EVA1C: variants seen among roughly 807,000 people sequenced by gnomAD.
EVA1C encodes eva-1 homolog C, also known as protein eva-1 homolog C.
A neutral mutation model predicts 45.4 loss-of-function variants in EVA1C; 25 were observed. That is an observed-to-expected ratio of 0.55 (90% CI 0.40 to 0.77). EVA1C has a LOEUF of 0.77. Ranked by LOEUF, EVA1C falls within the 30% of genes least tolerant of loss-of-function variation. The pLI is 0.00. For missense variants in EVA1C, 479 were observed against 554.8 expected, an observed-to-expected ratio of 0.86 and a Z score of 1.37; for synonymous variants, 190 against 221.2, an observed-to-expected ratio of 0.86 and a Z score of 1.25.
Position 32,514,985 on chromosome 21 carries a change from A to G in EVA1C, c.1121A>G (p.Asp374Gly). 6.2e-7 allele frequency: 1 copy of G among 1,614,114 alleles called. No individual in the cohort carries two copies. Among genetic ancestry groups the G allele is most frequent in the Non-Finnish European group, 8.5e-7 (1 of 1,179,992 alleles). Reference sequence around the variant, plus strand: ...GACAAGGTCGAGGAGGACAGCGAGGATGAAGAAGAGGAGGAGGACCCCTCT... The same window carrying G: ...GACAAGGTCGAGGAGGACAGCGAGGGTGAAGAAGAGGAGGAGGACCCCTCT... The part of the protein sequence containing the change: ...GSDKVEEDSE[D>G]EEEEEDPSES... Residue 374 changes from aspartate (D) to glycine (G), a missense_variant, in exon 8 of 8, where the codon GAT becomes GGT. This residue lies in a region of EVA1C where 366 missense variants were observed against 426.1 expected (regional missense o/e 0.86). Transcript: ENST00000300255.
intron 1 of EVA1C, 118 bp from the exon 2 acceptor site, chr21:32,453,194 C>T: frequency 1.5e-6 from 1 of 654,718 alleles, no homozygotes; most frequent in Non-Finnish European, 2.6e-6. Context: ...GAGGCCCCAT[C>T]CCACATGTTG....
intron 1 of EVA1C, among the ~76,000 whole-genome samples, chr21:32,426,382 G>A (rs2034487952): frequency 1.3e-5 from 2 of 151,896 alleles, no homozygotes. Flanking sequence ...AATTTGATTT[G>A]AACATGAAAA....
intron 1 of EVA1C, among the ~76,000 whole-genome samples, chr21:32,444,536 G>A (rs893861957): frequency 6.6e-6 from 1 of 152,174 alleles, no homozygotes; most frequent in African/African-American, 2.4e-5. Context: ...GAGCTTCTGT[G>A]CCCACCGTGG....
intron 1 of EVA1C, among the ~76,000 whole-genome samples, chr21:32,419,111 T>G (rs1163599581): frequency 6.6e-6 from 1 of 152,258 alleles, no homozygotes; most frequent in Non-Finnish European, 1.5e-5. Context: ...TAATTGTTTC[T>G]GCCAGTAATA....
At chr21:32,464,718 A>T (rs903077635) in intron 3 of EVA1C, among the ~76,000 whole-genome samples, 2 of 152,122 alleles carry the variant, frequency 1.3e-5, no homozygotes, top group Non-Finnish European at 2.9e-5. Context: ...GCTCCTCAGG[A>T]GGCTGAGGCA....
At chr21:32,512,030 TATA>T (rs1338556678) in intron 7 of EVA1C, among the ~76,000 whole-genome samples, 1 of 152,076 alleles carries the variant, frequency 6.6e-6, no homozygotes, top group Non-Finnish European at 1.5e-5. Flanking sequence ...CAACACTACC[TATA>T]ATATTATACC....
intron 3 of EVA1C, among the ~76,000 whole-genome samples, chr21:32,465,682 G>C (rs936868818): frequency 3.3e-5 from 5 of 152,110 alleles, no homozygotes; most frequent in Non-Finnish European, 7.4e-5. Context: ...AGTTTTAGTA[G>C]AGATGAGGTT....
At chr21:32,420,036 T>A (rs1038748309) in intron 1 of EVA1C, among the ~76,000 whole-genome samples, 9 of 152,196 alleles carry the variant, frequency 5.9e-5, no homozygotes, top group African/African-American at 2.2e-4. Context: ...GGGTATCTCG[T>A]TCTGCCACCC....
At chr21:32,509,843 C>T (rs2037888148) in intron 7 of EVA1C, among the ~76,000 whole-genome samples, 1 of 151,234 alleles carries the variant, frequency 6.6e-6, no homozygotes, top group Non-Finnish European at 1.5e-5. Flanking sequence ...CAGAAGAGCA[C>T]ATGCAGAAAA....
At chr21:32,423,557 C>T (rs2034372403) in intron 1 of EVA1C, among the ~76,000 whole-genome samples, 3 of 151,996 alleles carry the variant, frequency 2.0e-5, no homozygotes, top group Admixed American at 1.3e-4. Context: ...AAGCAAACCA[C>T]AGAGCTTGGA....
At chr21:32,509,786 A>G (rs2037886643) in intron 7 of EVA1C, among the ~76,000 whole-genome samples, 4 of 151,660 alleles carry the variant, frequency 2.6e-5, no homozygotes, top group African/African-American at 9.7e-5. Flanking sequence ...AGGGGGAGGT[A>G]TCTAGTAGTG....
intron 1 of EVA1C, among the ~76,000 whole-genome samples, chr21:32,430,777 A>G (rs1414980448): frequency 1.3e-5 from 2 of 152,098 alleles, no homozygotes; most frequent in Non-Finnish European, 2.9e-5. Context: ...GTTTGAGACT[A>G]GCCTGGCCAA....
At chr21:32,417,510 T>A (rs933793538) in intron 1 of EVA1C, among the ~76,000 whole-genome samples, 1 of 152,208 alleles carries the variant, frequency 6.6e-6, no homozygotes, top group Non-Finnish European at 1.5e-5. Flanking sequence ...TGTCTCCAAA[T>A]ACTATCATAG....
chr21:32,502,867 C>A (rs1302108834), intron 6 of EVA1C, among the ~76,000 whole-genome samples: 1 of 151,894 alleles, frequency 6.6e-6, no homozygotes, highest in Non-Finnish European at 1.5e-5. Context: ...TGGGCTCAAG[C>A]GATCCACCCA....
chr21:32,470,413 C>T (rs1359689613), intron 4 of EVA1C, among the ~76,000 whole-genome samples: 3 of 152,208 alleles, frequency 2.0e-5, no homozygotes, highest in Non-Finnish European at 4.4e-5. Context: ...CATACACTGC[C>T]CTTAACTCGA....
intron 1 of EVA1C, among the ~76,000 whole-genome samples, chr21:32,413,491 C>G (rs1216807131): frequency 6.6e-6 from 1 of 152,180 alleles, no homozygotes; most frequent in African/African-American, 2.4e-5. Context: ...CCCGCGGGGA[C>G]TGGAGGTCTG....
chr21:32,496,952 C>T, intron 5 of EVA1C: 1 of 1,391,276 alleles, frequency 7.2e-7, no homozygotes, highest in Non-Finnish European at 1.0e-6. Flanking sequence ...AGAAACAGAC[C>T]AAATGTGCAG....
chr21:32,425,386 A>C (rs986814552), intron 1 of EVA1C, among the ~76,000 whole-genome samples: 1 of 149,470 alleles, frequency 6.7e-6, no homozygotes, highest in Non-Finnish European at 1.5e-5. Context: ...GTCTTGCTAG[A>C]TTGCCCAGGC....
At chr21:32,507,427 C>CGT (rs1362228198) in intron 7 of EVA1C, among the ~76,000 whole-genome samples, 6 of 136,340 alleles carry the variant, frequency 4.4e-5, no homozygotes, top group African/African-American at 1.1e-4. Flanking sequence ...TATGTGTGCA[C>CGT]GTGTGTGTGC....
Sources: gnomAD v4.1 joint callset for allele counts (sites outside exome capture counted in the v4.1 genomes callset) on GRCh38, gnomAD v4.1.1 for gene constraint, gnomAD v4.1.1 regional missense constraint, MANE v1.5 for transcripts, NCBI Gene and HGNC (gene_info 2026-07-23, HGNC 2026-07-21) for gene names.